The following LMAN1 variants were observed in gnomAD, a reference collection of about 807,000 sequenced individuals.
LMAN1 encodes the protein protein ERGIC-53.
Under a neutral mutation model 67.8 loss-of-function variants are expected in LMAN1, and 32 were observed. The ratio of observed to expected loss-of-function variants is 0.47; its 90% CI spans 0.36 to 0.63. The LOEUF (loss-of-function observed/expected upper bound fraction) is 0.63. LMAN1 is among the 30% of genes least tolerant of loss of function. The pLI is 0.00. For synonymous variants in LMAN1, 235 were observed against 219.3 expected, an observed-to-expected ratio of 1.07 and a Z score of -0.63; for missense variants, 632 against 628.2, an observed-to-expected ratio of 1.01 and a Z score of -0.06.
intron 10 of LMAN1, among the ~76,000 whole-genome samples, chr18:59,336,560 T>C (rs1025559430): frequency 6.6e-6 from 1 of 152,120 alleles, no homozygotes; most frequent in African/African-American, 2.4e-5. Flanking sequence ...AGAATTCCAA[T>C]GAACAAATAT....
At position 59,333,262 on chromosome 18, in the gene LMAN1, T is replaced by C. The variant is rs757709247; in HGVS notation, c.1221-18A>G. On this transcript the variant is annotated intron_variant, in intron 10 of 12. Transcript: ENST00000251047. ...TGGAATTTCTGAAACAGAAAGTCTCTTGATACAATAAAATCACTATAAAGT... is the reference window on the plus strand; with the variant it reads ...TGGAATTTCTGAAACAGAAAGTCTCCTGATACAATAAAATCACTATAAAGT... 1.3e-5 allele frequency: 21 copies of C among 1,610,278 alleles called. No individual in the cohort carries two copies. Among genetic ancestry groups the C allele is most frequent in the Middle Eastern group, 1.6e-4 (1 of 6,078 alleles).
intron 1 of LMAN1, 98 bp downstream of exon 1, chr18:59,358,933 A>C: frequency 8.1e-7 from 1 of 1,232,304 alleles, no homozygotes; most frequent in South Asian, 1.2e-5. Context: ...AGCTGCTGGA[A>C]CGGGAACCTC....
At chr18:59,348,972 A>G in intron 6 of LMAN1, 141 bp downstream of exon 6, 1 of 987,448 alleles carries the variant, frequency 1.0e-6, no homozygotes, top group Non-Finnish European at 1.6e-6. Flanking sequence ...ACAGACCAAA[A>G]GACTGGCACA....
chr18:59,346,160 G>C, intron 7 of LMAN1, 109 bp from the exon 8 acceptor site: 1 of 795,698 alleles, frequency 1.3e-6, no homozygotes, highest in South Asian at 1.8e-5. Context: ...TAGCGGAAAG[G>C]TTAACATAAA....
intron 1 of LMAN1, among the ~76,000 whole-genome samples, chr18:59,356,853 T>C (rs1045186168): frequency 1.3e-5 from 2 of 152,186 alleles, no homozygotes; most frequent in Non-Finnish European, 2.9e-5. Context: ...AATCAGAGAA[T>C]GAAAGTGAAA....
Position 59,331,087 on chromosome 18 carries a change from T to C in LMAN1, c.*6A>G, listed in dbSNP as rs767088740. On this transcript the variant is annotated 3_prime_UTR_variant, in exon 13 of 13. Coordinates refer to ENST00000251047, the MANE Select transcript of LMAN1 (RefSeq NM_005570.4). ...CAAATAGATGAAGTACACAGGAAAATGGTAGTCAAAAGAATTTTTTGGCAG... is the reference window on the plus strand; with the variant it reads ...CAAATAGATGAAGTACACAGGAAAACGGTAGTCAAAAGAATTTTTTGGCAG... 1.9e-6 allele frequency: 3 copies of C among 1,603,690 alleles called. No individual in the cohort carries two copies. Among genetic ancestry groups the C allele is most frequent in the African/African-American group, 1.3e-5 (1 of 74,542 alleles).
At chr18:59,344,238 C>G (rs1391336365) in intron 8 of LMAN1, among the ~76,000 whole-genome samples, 1 of 152,154 alleles carries the variant, frequency 6.6e-6, no homozygotes, top group African/African-American at 2.4e-5. Context: ...ATGGAGAATT[C>G]TCAAAGAACT....
At chr18:59,338,288 G>C (rs1908207994) in intron 10 of LMAN1, among the ~76,000 whole-genome samples, 1 of 151,914 alleles carries the variant, frequency 6.6e-6, no homozygotes, top group African/African-American at 2.4e-5. Flanking sequence ...GAACACACCT[G>C]GCTCTGTCAA....
rs375670001 is a variant in LMAN1, at chr18:59,338,778, C to T, written c.1131G>A (p.Met377Ile). The stretch of plus-strand genomic sequence containing the variant: ...AGCCCACCTGCCCATGCTGCCCAGG[C>T]ATTCCTGCTCCTCTTTTAGAGATTT... ...TEEISKRGAG[M>I]PGQHGQITQQ... The change falls in exon 9 of 13, where the codon ATG (methionine) becomes ATA (isoleucine). Residue 377 changes from methionine to isoleucine, a missense_variant. Transcript: ENST00000251047. 2 of 1,614,004 alleles carry T rather than the reference C, an allele frequency of 1.2e-6. No homozygotes were observed. Among genetic ancestry groups the T allele is most frequent in the Non-Finnish European group, 1.7e-6 (2 of 1,180,012 alleles).
At position 59,330,905 on chromosome 18, in the gene LMAN1, T is replaced by G. The variant is rs1218715768; in HGVS notation, c.*188A>C. ...TCACTGAAATTTAGACAGATTTACA[T>G]ACTGTGAACAAATTAAAATGTGGTT... On this transcript the variant is annotated 3_prime_UTR_variant, in exon 13 of 13. Coordinates refer to ENST00000251047, the MANE Select transcript of LMAN1 (RefSeq NM_005570.4). 1 of 595,444 alleles carries G rather than the reference T, an allele frequency of 1.7e-6. No individual in the cohort carries two copies. The highest frequency in any genetic ancestry group is 2.9e-5 in the East Asian group (1 of 34,882). The allele number at this position is 595,444 out of a possible 1,614,324, so 36.9% of individuals were successfully genotyped here.
intron 11 of LMAN1, 72 bp from the exon 12 acceptor site, chr18:59,331,611 T>G: frequency 6.6e-7 from 1 of 1,504,752 alleles, no homozygotes; most frequent in South Asian, 1.1e-5. Context: ...ATGTGAAATC[T>G]TTATAAAACT....
intron 1 of LMAN1, among the ~76,000 whole-genome samples, chr18:59,356,639 T>G (rs376616629): frequency 5.3e-4 from 80 of 152,018 alleles, no homozygotes; most frequent in African/African-American, 1.9e-3. Context: ...GATCAGTCAC[T>G]GTTCACTGTT....
At chr18:59,343,974 G>C (rs866381748) in intron 8 of LMAN1, among the ~76,000 whole-genome samples, 108 of 152,080 alleles carry the variant, frequency 7.1e-4, no homozygotes, top group African/African-American at 2.6e-3. Context: ...TAAAAAACTG[G>C]GCAAAGAGCA....
At chr18:59,349,529 T>C (rs1389967161) in intron 5 of LMAN1, among the ~76,000 whole-genome samples, 1 of 152,182 alleles carries the variant, frequency 6.6e-6, no homozygotes, top group East Asian at 1.9e-4. Context: ...TCATCATTAC[T>C]CCCTTGGAAT....
Position 59,357,963 on chromosome 18 carries a change from T to TAA in LMAN1, c.214+1066_214+1067dup, listed in dbSNP as rs150790005. Among the ~76,000 whole-genome samples, 82 of 102,538 alleles carry TAA rather than the reference T, an allele frequency of 8.0e-4. No individual in the cohort carries two copies. The East Asian group carries it at 9.9e-3, about 12-fold the overall frequency. The allele number at this position is 102,538 out of a possible 152,430, so 67.3% of individuals were successfully genotyped here. ...TGCACATGTACCCTAAACCTTATAG[T>TAA]AAAAAAAAAAAAAAAAAAAAAGATT... On this transcript the variant is annotated intron_variant, in intron 1 of 12. Coordinates refer to ENST00000251047, the MANE Select transcript of LMAN1 (RefSeq NM_005570.4).
chr18:59,332,569 G>A (rs528232151), intron 11 of LMAN1, among the ~76,000 whole-genome samples: 4 of 152,140 alleles, frequency 2.6e-5, no homozygotes, highest in East Asian at 1.9e-4. Context: ...GATAAAACGC[G>A]ATATAAAATA....
chr18:59,355,198 T>G, intron 3 of LMAN1, 115 bp downstream of exon 3: 1 of 779,030 alleles, frequency 1.3e-6, no homozygotes, highest in Non-Finnish European at 2.2e-6. Flanking sequence ...CCATATAGCT[T>G]GGGGAGTTCT....
chr18:59,349,789 C>G (rs975987661), intron 5 of LMAN1, among the ~76,000 whole-genome samples: 2 of 152,176 alleles, frequency 1.3e-5, no homozygotes, highest in Non-Finnish European at 2.9e-5. Context: ...TTCTACTTTG[C>G]AAAATGTATA....
intron 7 of LMAN1, among the ~76,000 whole-genome samples, chr18:59,346,896 C>G (rs1908421721): frequency 1.3e-5 from 2 of 152,054 alleles, no homozygotes; most frequent in Non-Finnish European, 2.9e-5. Flanking sequence ...CCTTCAATAT[C>G]ATGAGGTGGC....
Sources: gnomAD v4.1 joint callset for allele counts (sites outside exome capture counted in the v4.1 genomes callset) on GRCh38, gnomAD v4.1.1 for gene constraint, MANE v1.5 for transcripts, NCBI Gene and HGNC (gene_info 2026-07-23, HGNC 2026-07-21) for gene names.